The following PCNX1 variants were observed in gnomAD, a reference collection of about 807,000 sequenced individuals.
The protein encoded by PCNX1 is pecanex 1.
A neutral mutation model predicts 242.2 loss-of-function variants in PCNX1; 78 were observed. The ratio of observed to expected loss-of-function variants is 0.32; its 90% confidence interval spans 0.27 to 0.39. The LOEUF (loss-of-function observed/expected upper bound fraction) is 0.39, where lower values mean the gene tolerates loss of function less well. Among genes scored for constraint, PCNX1 ranks in the 10% least tolerant of loss-of-function variants. PCNX1 has a pLI of 1.00. For missense variants in PCNX1, 2,581 were observed against 2,856.5 expected, an observed-to-expected ratio of 0.90 and a Z score of 2.20; for synonymous variants, 1,024 against 1,032.9, an observed-to-expected ratio of 0.99 and a Z score of 0.17.
intron 6 of PCNX1, among the ~76,000 whole-genome samples, chr14:70,980,976 G>A (rs368376453): frequency 3.9e-5 from 6 of 152,092 alleles, no homozygotes; most frequent in Admixed American, 3.3e-4. Context: ...TAGAGAGATG[G>A]AATTTAGGAA....
At chr14:70,966,162 C>T (rs2058371772) in intron 3 of PCNX1, among the ~76,000 whole-genome samples, 1 of 152,062 alleles carries the variant, frequency 6.6e-6, no homozygotes, top group Non-Finnish European at 1.5e-5. Context: ...TGTAAATAGT[C>T]ATGATTCTTT....
chr14:71,098,729 G>A (rs1408388513), intron 30 of PCNX1, among the ~76,000 whole-genome samples: 2 of 152,076 alleles, frequency 1.3e-5, no homozygotes, highest in East Asian at 3.8e-4. Flanking sequence ...GGTTCCCTAG[G>A]TATAGAATCA....
chr14:71,021,966 A>G (rs1200274242), intron 12 of PCNX1, among the ~76,000 whole-genome samples: 1 of 151,996 alleles, frequency 6.6e-6, no homozygotes, highest in East Asian at 1.9e-4. Flanking sequence ...TATATGAGTT[A>G]TTTCCAGATT....
intron 1 of PCNX1, among the ~76,000 whole-genome samples, chr14:70,942,204 T>C (rs1467153173): frequency 1.3e-5 from 2 of 152,190 alleles, no homozygotes; most frequent in Admixed American, 1.3e-4. Context: ...GTCTTCTGCA[T>C]CGCTCACGCT....
chr14:71,058,363 T>C (rs1328873030), intron 26 of PCNX1, among the ~76,000 whole-genome samples: 1 of 152,214 alleles, frequency 6.6e-6, no homozygotes, highest in East Asian at 1.9e-4. Context: ...ATAAAGTTAT[T>C]TCTTTACAGA....
At chr14:71,001,758 C>T (rs1360048771) in intron 8 of PCNX1, among the ~76,000 whole-genome samples, 1 of 152,190 alleles carries the variant, frequency 6.6e-6, no homozygotes, top group Non-Finnish European at 1.5e-5. Flanking sequence ...CTTCCAAAAT[C>T]ATTGAAATGA....
chr14:70,992,682 G>T (rs1459709911), intron 7 of PCNX1, among the ~76,000 whole-genome samples: 2 of 152,192 alleles, frequency 1.3e-5, no homozygotes, highest in Non-Finnish European at 2.9e-5. Context: ...GCTAGTGATA[G>T]CTGATAGTTT....
chr14:71,045,024 A>G, intron 19 of PCNX1, 109 bp from the exon 20 acceptor site: 1 of 725,828 alleles, frequency 1.4e-6, no homozygotes, highest in Admixed American at 2.8e-5. Context: ...CTTATATTCT[A>G]AAATGGACGT....
At chr14:71,049,216 T>C (rs1454023640) in intron 22 of PCNX1, 1 of 446,680 alleles carries the variant, frequency 2.2e-6, no homozygotes, top group Admixed American at 6.4e-5. Context: ...ATACTTTTTA[T>C]TTGTTAAATA....
At position 71,033,938 on chromosome 14, in the gene PCNX1, G is replaced by T; in HGVS notation, c.3676G>T (p.Val1226Leu). Residue 1226 changes from valine (V) to leucine (L), a missense_variant, in exon 18 of 36, where the codon GTG becomes TTG. Physicochemically the swap from Val to Leu is conservative, Grantham distance 32. Transcript: ENST00000304743. ...TTTTTTCTTCACATAAAGCTCTTTA[G>T]TGCAATCCAAGATTTTTCCAAAAAC... ...SSDPSVLFSL[V>L]QSKIFPKTEE... 1.3e-6 allele frequency: 2 copies of T among 1,573,984 alleles called. No homozygotes were observed. Among genetic ancestry groups the T allele is most frequent in the South Asian group, 2.3e-5 (2 of 88,628 alleles).
At chr14:70,960,710 A>G (rs950270445) in intron 2 of PCNX1, among the ~76,000 whole-genome samples, 5 of 152,180 alleles carry the variant, frequency 3.3e-5, no homozygotes, top group African/African-American at 1.2e-4. Context: ...AATTAGGAAA[A>G]GAGGAAGTCA....
intron 1 of PCNX1, among the ~76,000 whole-genome samples, chr14:70,921,924 G>A (rs966895850): frequency 1.3e-5 from 2 of 152,130 alleles, no homozygotes; most frequent in African/African-American, 2.4e-5. Context: ...TGGTACATTT[G>A]GAGGGGGAGT....
Position 71,055,546 on chromosome 14 carries a change from G to C in PCNX1, c.4620G>C (p.Gln1540His). 2 of 1,605,076 alleles carry C rather than the reference G, an allele frequency of 1.2e-6. No homozygotes were observed. The highest frequency in any genetic ancestry group is 1.7e-6 in the Non-Finnish European group (2 of 1,172,630). The part of the protein sequence containing the change: ...VDHSNTRLAS[Q>H]LDRNPGSDDN... ...ATTCAAATACCAGATTGGCTTCCCA[G>C]CTTGATAGAAATCCAGGTAATAGCT... is the stretch of plus-strand genomic sequence containing the variant. Residue 1540 changes from glutamine (Q) to histidine (H), a missense_variant, in exon 25 of 36, where the codon CAG becomes CAC. Physicochemically the swap from Gln to His is conservative, Grantham distance 24 (BLOSUM62 0). Coordinates refer to ENST00000304743, the MANE Select transcript of PCNX1 (RefSeq NM_014982.3).
chr14:70,951,740 C>T (rs2057789171), intron 2 of PCNX1, among the ~76,000 whole-genome samples: 1 of 151,980 alleles, frequency 6.6e-6, no homozygotes, highest in Middle Eastern at 3.4e-3. Flanking sequence ...TTCATGTGTG[C>T]TTATCCTCCA....
intron 30 of PCNX1, among the ~76,000 whole-genome samples, chr14:71,097,468 G>T (rs1053624807): frequency 6.6e-6 from 1 of 152,156 alleles, no homozygotes; most frequent in African/African-American, 2.4e-5. Flanking sequence ...AGCATCTCTT[G>T]TTTTTTGACT....
intron 8 of PCNX1, among the ~76,000 whole-genome samples, chr14:71,003,328 T>C (rs2059565078): frequency 6.6e-6 from 1 of 152,076 alleles, no homozygotes; most frequent in South Asian, 2.1e-4. Flanking sequence ...TGACGTCAGG[T>C]GATCTGCCCG....
Position 71,017,376 on chromosome 14 carries a change from G to T in PCNX1, c.2997-1633G>T, listed in dbSNP as rs370911384. The stretch of plus-strand genomic sequence containing the variant: ...CATATGCAAAAAAATAGAGATGGAC[G>T]CAGAGGTGTGTGCTTAGGAGGCTGA... On this transcript the variant is annotated intron_variant, in intron 11 of 35. Coordinates refer to ENST00000304743, the MANE Select transcript of PCNX1 (RefSeq NM_014982.3). Among the ~76,000 whole-genome samples the T allele has an allele frequency of 3.6e-3, 555 of 152,198 alleles. 3 individuals are homozygous for T. Among genetic ancestry groups the T allele is most frequent in the African/African-American group, 0.013 (522 of 41,536 alleles).
intron 1 of PCNX1, among the ~76,000 whole-genome samples, chr14:70,912,265 C>A (rs963917321): frequency 6.6e-6 from 1 of 151,760 alleles, no homozygotes; most frequent in African/African-American, 2.4e-5. Context: ...AAAAAAAGAA[C>A]GTTAAAATTT....
chr14:71,029,712 A>G (rs2060330549), intron 16 of PCNX1, among the ~76,000 whole-genome samples: 1 of 152,236 alleles, frequency 6.6e-6, no homozygotes, highest in Admixed American at 6.5e-5. Flanking sequence ...GAAACAAGAA[A>G]TGAAGACCCA....
Sources: allele counts gnomAD v4.1 joint callset (sites outside exome capture counted in the v4.1 genomes callset), GRCh38; gene constraint gnomAD v4.1.1; transcripts MANE v1.5; gene names NCBI Gene and HGNC (gene_info 2026-07-23, HGNC 2026-07-21).